DPP10: variants seen among roughly 807,000 people sequenced by gnomAD.
DPP10 encodes the protein inactive dipeptidyl peptidase 10.
Under a neutral mutation model 120.9 loss-of-function variants are expected in DPP10, and 33 were observed. The ratio of observed to expected loss-of-function variants is 0.27; its 90% CI spans 0.21 to 0.37. The LOEUF (loss-of-function observed/expected upper bound fraction) is 0.37, where lower values mean the gene tolerates loss of function less well. Among genes scored for constraint, DPP10 ranks in the 10% least tolerant of loss-of-function variants. The pLI, the probability that DPP10 is intolerant of heterozygous loss-of-function variation, is 1.00. For missense variants in DPP10, 816 were observed against 942.8 expected (o/e 0.87, Z 1.76); for synonymous variants, 337 against 326.1 (o/e 1.03, Z -0.36).
intron 1 of DPP10, among the ~76,000 whole-genome samples, chr2:114,992,245 A>T (rs969424028): frequency 2.0e-5 from 3 of 152,200 alleles, no homozygotes; most frequent in Admixed American, 6.5e-5. Flanking sequence ...ATGAAAATGC[A>T]TTCTTCTGCA....
At chr2:115,781,455 C>T (rs894474614) in intron 16 of DPP10, among the ~76,000 whole-genome samples, 10 of 151,834 alleles carry the variant, frequency 6.6e-5, no homozygotes, top group African/African-American at 1.2e-4. Flanking sequence ...ATTACATTCA[C>T]CATTATTACT....
At chr2:115,777,364 A>T in intron 14 of DPP10, 65 bp downstream of exon 14, 1 of 1,421,286 alleles carries the variant, frequency 7.0e-7, no homozygotes, top group Non-Finnish European at 9.9e-7. Flanking sequence ...CTTTTCTAAT[A>T]GAATTATGTT....
intron 1 of DPP10, among the ~76,000 whole-genome samples, chr2:115,229,864 CTTT>C (rs749155120): frequency 2.2e-5 from 3 of 139,072 alleles, no homozygotes; most frequent in Non-Finnish European, 1.6e-5. Flanking sequence ...TCTTTTCTTT[CTTT>C]TTTTTTTTTG....
At chr2:114,678,742 T>C (rs1204453260) in intron 1 of DPP10, among the ~76,000 whole-genome samples, 2 of 152,068 alleles carry the variant, frequency 1.3e-5, no homozygotes, top group Non-Finnish European at 2.9e-5. Context: ...AGAAAATTAA[T>C]TGATTGAATA....
At chr2:114,575,231 G>A (rs900405219) in intron 1 of DPP10, among the ~76,000 whole-genome samples, 5 of 152,100 alleles carry the variant, frequency 3.3e-5, no homozygotes, top group African/African-American at 9.7e-5. Context: ...AATAAAGACA[G>A]GAGACAAAAG....
At chr2:114,685,137 A>C (rs2105734452) in intron 1 of DPP10, among the ~76,000 whole-genome samples, 1 of 152,068 alleles carries the variant, frequency 6.6e-6, no homozygotes, top group African/African-American at 2.4e-5. Flanking sequence ...GCCCTTTCTG[A>C]GAATTTTTCA....
At chr2:115,642,881 G>A (rs1479336826) in intron 5 of DPP10, among the ~76,000 whole-genome samples, 1 of 151,916 alleles carries the variant, frequency 6.6e-6, no homozygotes, top group African/African-American at 2.4e-5. Context: ...AATATACTAT[G>A]TTGTAGTTCA....
Position 114,719,716 on chromosome 2 carries a change from G to T in DPP10, c.60+276878G>T, listed in dbSNP as rs372357169. Among the ~76,000 whole-genome samples the T allele has an allele frequency of 2.0e-5, 3 of 152,284 alleles. No homozygotes were observed. The South Asian group carries it at 6.2e-4, about 32-fold the overall frequency. On this transcript the variant is annotated intron_variant, in intron 1 of 25. Coordinates refer to ENST00000410059, the MANE Select transcript of DPP10 (RefSeq NM_020868.6). The stretch of plus-strand genomic sequence containing the variant: ...TATTAATAGGAGAAAAGACATATAA[G>T]TTTGATAATGTGAATGGGAAGAAAA...
At chr2:114,552,256 A>T (rs1687943800) in intron 1 of DPP10, among the ~76,000 whole-genome samples, 1 of 152,254 alleles carries the variant, frequency 6.6e-6, no homozygotes, top group Admixed American at 6.5e-5. Context: ...TGGATGAGAC[A>T]ATATATGCCA....
At chr2:115,286,491 AAT>A (rs60213155) in intron 1 of DPP10, among the ~76,000 whole-genome samples, 58,685 of 82,488 alleles carry the variant, frequency 0.71, 21,444 homozygotes, top group East Asian at 0.8. Flanking sequence ...ATATATATAT[AAT>A]ATATATATAT....
chr2:115,389,366 A>G (rs2067174311), intron 3 of DPP10, among the ~76,000 whole-genome samples: 1 of 113,640 alleles, frequency 8.8e-6, no homozygotes, highest in East Asian at 2.2e-4. Context: ...GTTAATGGCA[A>G]GCAACATAAC....
intron 1 of DPP10, chr2:114,461,615 G>T: frequency 1.0e-6 from 1 of 985,348 alleles, no homozygotes; most frequent in South Asian, 4.7e-5. Flanking sequence ...GACCTAGAAG[G>T]CTTTAAGAAA....
At chr2:115,708,494 C>A (rs1433797893) in intron 7 of DPP10, among the ~76,000 whole-genome samples, 1 of 151,980 alleles carries the variant, frequency 6.6e-6, no homozygotes, top group African/African-American at 2.4e-5. Flanking sequence ...ATCACTGTTT[C>A]TAACATCCCA....
chr2:114,932,002 T>G (rs1353021448), intron 1 of DPP10, among the ~76,000 whole-genome samples: 2 of 152,226 alleles, frequency 1.3e-5, no homozygotes, highest in Non-Finnish European at 2.9e-5. Context: ...TTAGAGTTCA[T>G]CAGGATAGGC....
At chr2:114,477,894 T>C (rs184665151) in intron 1 of DPP10, among the ~76,000 whole-genome samples, 1 of 148,992 alleles carries the variant, frequency 6.7e-6, no homozygotes, top group Non-Finnish European at 1.5e-5. Context: ...TATATGTACA[T>C]ATGTGTATAT....
chr2:115,605,340 A>G (rs2083634884), intron 5 of DPP10, among the ~76,000 whole-genome samples: 3 of 152,092 alleles, frequency 2.0e-5, no homozygotes, highest in Non-Finnish European at 4.4e-5. Flanking sequence ...AAGATGAACA[A>G]AAAGATCAAA....
intron 1 of DPP10, among the ~76,000 whole-genome samples, chr2:114,808,959 CTAT>C (rs1684964871): frequency 6.6e-6 from 1 of 152,118 alleles, no homozygotes; most frequent in Non-Finnish European, 1.5e-5. Context: ...TATATTGTGT[CTAT>C]TACCCCTAGA....
intron 1 of DPP10, among the ~76,000 whole-genome samples, chr2:114,923,350 A>G (rs985097430): frequency 1.3e-5 from 2 of 149,754 alleles, no homozygotes; most frequent in Admixed American, 6.7e-5. Context: ...CGACCAGCTC[A>G]TTTTTGTATT....
chr2:115,776,222 T>C (rs1682075956), intron 13 of DPP10, among the ~76,000 whole-genome samples: 1 of 152,130 alleles, frequency 6.6e-6, no homozygotes. Flanking sequence ...TACATAGGTA[T>C]ACACGTGCCA....
Sources: gnomAD v4.1 joint callset for allele counts (sites outside exome capture counted in the v4.1 genomes callset) on GRCh38, gnomAD v4.1.1 for gene constraint, MANE v1.5 for transcripts, NCBI Gene and HGNC (gene_info 2026-07-23, HGNC 2026-07-21) for gene names.